Variants in KIF16B observed in about 807,000 individuals in gnomAD.
KIF16B encodes the protein kinesin-like protein KIF16B.
KIF16B carries 98 observed loss-of-function variants against 156.3 expected under a neutral mutation model. The ratio of observed to expected loss-of-function variants is 0.63; its 90% CI spans 0.53 to 0.74. The LOEUF (loss-of-function observed/expected upper bound fraction) is 0.74, where lower values mean the gene tolerates loss of function less well. KIF16B is among the 30% of genes least tolerant of loss of function. The probability of loss-of-function intolerance (pLI) is 0.00; values close to 1 mark genes in which losing one functional copy is unlikely to be tolerated. For synonymous variants in KIF16B, 564 were observed against 583.7 expected (o/e 0.97, Z 0.49); for missense variants, 1,421 against 1,606.5 (o/e 0.88, Z 1.97).
intron 10 of KIF16B, among the ~76,000 whole-genome samples, chr20:16,499,276 C>A (rs1224515831): frequency 6.6e-6 from 1 of 152,168 alleles, no homozygotes; most frequent in East Asian, 1.9e-4. Flanking sequence ...TCCAGGAAAC[C>A]CAGAGCTATG....
rs565273904 is a variant in KIF16B, at chr20:16,349,824, G to A, written c.3621+6506C>T. Reference sequence around the variant, plus strand: ...TTCAGGGTCTTTTAAGTTCAGGGAGGACTCAGCAGATGAGATCTCTTGGCC... The same window carrying A: ...TTCAGGGTCTTTTAAGTTCAGGGAGAACTCAGCAGATGAGATCTCTTGGCC... On this transcript the variant is annotated intron_variant, in intron 23 of 25. Coordinates refer to ENST00000354981, the MANE Select transcript of KIF16B (RefSeq NM_024704.5). Among the ~76,000 whole-genome samples the A allele has an allele frequency of 5.9e-5, 9 of 152,278 alleles. No individual in the cohort carries two copies. In the South Asian group the frequency reaches 1.9e-3, roughly 32 times the overall value.
In KIF16B at chr20:16,523,055, T is replaced by C. The variant is rs1245383059; in HGVS notation, c.231+3037A>G. On this transcript the variant is annotated intron_variant, in intron 3 of 25. Transcript: ENST00000354981. ...ATCTCAAAATAATAACAGCTATTTA[T>C]GACAAACCCACAGCCAATATCATAC... Among the ~76,000 whole-genome samples the C allele has an allele frequency of 3.3e-5, 5 of 152,284 alleles. No individual in the cohort carries two copies. The East Asian group carries it at 9.7e-4, about 29-fold the overall frequency.
intron 15 of KIF16B, 109 bp downstream of exon 15, chr20:16,426,995 T>TA (rs1228901043): frequency 2.0e-6 from 2 of 993,580 alleles, no homozygotes; most frequent in African/African-American, 3.3e-5. Flanking sequence ...TCACCCTTTT[T>TA]ATACCTAATC....
intron 17 of KIF16B, among the ~76,000 whole-genome samples, chr20:16,382,971 G>C (rs574577550): frequency 3.3e-5 from 5 of 152,134 alleles, no homozygotes; most frequent in Non-Finnish European, 7.3e-5. Context: ...GTAATATTGA[G>C]AATAAGATGT....
chr20:16,493,299 G>A (rs981489531), intron 12 of KIF16B, among the ~76,000 whole-genome samples: 1 of 152,124 alleles, frequency 6.6e-6, no homozygotes, highest in Non-Finnish European at 1.5e-5. Flanking sequence ...GGTGCAAGGA[G>A]AACATTACAT....
chr20:16,385,455 C>T (rs548291381), intron 17 of KIF16B, among the ~76,000 whole-genome samples: 3 of 152,178 alleles, frequency 2.0e-5, no homozygotes, highest in African/African-American at 7.2e-5. Context: ...GAGACTGAGC[C>T]CAGAGATCAG....
At chr20:16,562,082 G>A (rs896041634) in intron 1 of KIF16B, among the ~76,000 whole-genome samples, 2 of 152,070 alleles carry the variant, frequency 1.3e-5, no homozygotes, top group African/African-American at 2.4e-5. Context: ...CGGGAAGTTC[G>A]GTGAAGAGTT....
intron 24 of KIF16B, among the ~76,000 whole-genome samples, chr20:16,332,822 A>G (rs1359207183): frequency 1.5e-5 from 2 of 132,080 alleles, no homozygotes; most frequent in African/African-American, 5.7e-5. Context: ...GAGAAGGTTC[A>G]TAATATCTTT....
chr20:16,364,495 C>G (rs1254861622), intron 22 of KIF16B, among the ~76,000 whole-genome samples: 1 of 152,156 alleles, frequency 6.6e-6, no homozygotes, highest in Non-Finnish European at 1.5e-5. Flanking sequence ...AGTTGCTCCA[C>G]TCTAGGGGTG....
At chr20:16,282,788 T>C (rs571536798) in intron 25 of KIF16B, among the ~76,000 whole-genome samples, 9 of 152,224 alleles carry the variant, frequency 5.9e-5, no homozygotes, top group Non-Finnish European at 1.3e-4. Flanking sequence ...CCTACACAGT[T>C]GGGTGGTGGC....
chr20:16,512,874 A>C lies in KIF16B; in HGVS notation c.398T>G (p.Ile133Arg), dbSNP rs1220363053. Residue 133 changes from isoleucine (I) to arginine (R), a missense_variant, in exon 5 of 26, where the codon ATA (isoleucine) becomes AGA (arginine). Coordinates refer to ENST00000354981, the MANE Select transcript of KIF16B (RefSeq NM_024704.5). Reference sequence around the variant, plus strand: ...TTCATCCCATCTGGTGGTTTCATTTATCCGACTGAAGAGTCCTTCACAGAT... The same window carrying C: ...TTCATCCCATCTGGTGGTTTCATTTCTCCGACTGAAGAGTCCTTCACAGAT... ...PRICEGLFSRINETTRWDEAS... is the reference protein window; with the variant it reads ...PRICEGLFSRRNETTRWDEAS... 6.2e-7 allele frequency: 1 copy of C among 1,614,106 alleles called. No homozygotes were observed. Among genetic ancestry groups the C allele is most frequent in the Admixed American group, 1.7e-5 (1 of 60,036 alleles).
At chr20:16,454,166 A>T (rs79289478) in intron 12 of KIF16B, among the ~76,000 whole-genome samples, 1,562 of 152,282 alleles carry the variant, frequency 0.01, 33 homozygotes, top group African/African-American at 0.035. Flanking sequence ...TACAGTCATG[A>T]TGTAGAACAA....
At chr20:16,306,052 C>T (rs952534800) in intron 25 of KIF16B, among the ~76,000 whole-genome samples, 1 of 152,184 alleles carries the variant, frequency 6.6e-6, no homozygotes, top group Non-Finnish European at 1.5e-5. Flanking sequence ...CAGAACAAAG[C>T]CCTGCTTTCC....
At chr20:16,396,948 A>G (rs1209410468) in intron 17 of KIF16B, among the ~76,000 whole-genome samples, 1 of 152,198 alleles carries the variant, frequency 6.6e-6, no homozygotes, top group Non-Finnish European at 1.5e-5. Flanking sequence ...AATTATTCAA[A>G]TACATCCATC....
At chr20:16,560,874 A>G (rs1253070549) in intron 1 of KIF16B, among the ~76,000 whole-genome samples, 2 of 152,210 alleles carry the variant, frequency 1.3e-5, no homozygotes, top group African/African-American at 4.8e-5. Context: ...TGTTGTCTCG[A>G]GTAACAAAAT....
intron 1 of KIF16B, among the ~76,000 whole-genome samples, chr20:16,545,748 T>C (rs1188061761): frequency 6.6e-6 from 1 of 152,142 alleles, no homozygotes; most frequent in African/African-American, 2.4e-5. Flanking sequence ...GATTCAGACA[T>C]TAAATCGACT....
intron 1 of KIF16B, among the ~76,000 whole-genome samples, chr20:16,563,154 T>A (rs974545660): frequency 6.6e-6 from 1 of 152,144 alleles, no homozygotes; most frequent in Admixed American, 6.6e-5. Flanking sequence ...ATGAATACAT[T>A]TGGAAATGGA....
intron 12 of KIF16B, among the ~76,000 whole-genome samples, chr20:16,464,439 A>G (rs772454894): frequency 9.9e-5 from 15 of 152,224 alleles, no homozygotes; most frequent in Non-Finnish European, 2.2e-4. Flanking sequence ...GATGGTGGGT[A>G]TCAAATCTCT....
chr20:16,505,669 A>G, intron 9 of KIF16B, 53 bp downstream of exon 9: 6 of 1,495,658 alleles, frequency 4.0e-6, no homozygotes, highest in Non-Finnish European at 5.5e-6. Flanking sequence ...AAATATTTAC[A>G]GTTAATTCAC....
Sources: gnomAD v4.1 joint callset for allele counts (sites outside exome capture counted in the v4.1 genomes callset) on GRCh38, gnomAD v4.1.1 for gene constraint, MANE v1.5 for transcripts, NCBI Gene and HGNC (gene_info 2026-07-23, HGNC 2026-07-21) for gene names.